TMTC2: variants seen among roughly 807,000 people sequenced by gnomAD.
TMTC2 encodes the protein protein O-mannosyl-transferase TMTC2.
In TMTC2, 43 loss-of-function variants were observed where a neutral mutation model predicts 82.4. The observed-to-expected ratio is 0.52, with a 90% confidence interval of 0.41 to 0.67. TMTC2 has a LOEUF of 0.67. Among genes scored for constraint, TMTC2 ranks in the 30% least tolerant of loss-of-function variants. TMTC2 has a pLI of 0.00. For synonymous variants in TMTC2, 408 were observed against 381.9 expected, an observed-to-expected ratio of 1.07 and a Z score of -0.80; for missense variants, 919 against 1,012.4, an observed-to-expected ratio of 0.91 and a Z score of 1.25.
At chr12:83,016,692 A>G (rs981630420) in intron 8 of TMTC2, among the ~76,000 whole-genome samples, 6 of 152,222 alleles carry the variant, frequency 3.9e-5, no homozygotes, top group African/African-American at 9.6e-5. Context: ...GTTAAATAAC[A>G]TAATGATTCC....
intron 1 of TMTC2, among the ~76,000 whole-genome samples, chr12:82,845,296 C>T (rs563086863): frequency 8.4e-6 from 1 of 119,494 alleles, no homozygotes; most frequent in South Asian, 2.7e-4. Flanking sequence ...CACATTGCAA[C>T]ATACCACAAA....
intron 7 of TMTC2, among the ~76,000 whole-genome samples, chr12:82,981,996 T>C (rs1878938498): frequency 2.0e-5 from 3 of 151,796 alleles, no homozygotes; most frequent in Admixed American, 2.0e-4. Flanking sequence ...GAATCCTGAA[T>C]TTGACATTTG....
At chr12:82,951,548 T>C (rs751975204) in intron 4 of TMTC2, among the ~76,000 whole-genome samples, 4 of 152,192 alleles carry the variant, frequency 2.6e-5, no homozygotes, top group Non-Finnish European at 5.9e-5. Context: ...CTCGAACTCC[T>C]GAGCTCAGGC....
intron 2 of TMTC2, among the ~76,000 whole-genome samples, chr12:82,872,482 T>C (rs1872252061): frequency 1.3e-5 from 2 of 152,340 alleles, no homozygotes; most frequent in African/African-American, 4.8e-5. Flanking sequence ...TTCATATTGC[T>C]GCATCATTGC....
At chr12:83,111,796 T>C (rs1336252076) in intron 11 of TMTC2, among the ~76,000 whole-genome samples, 1 of 151,702 alleles carries the variant, frequency 6.6e-6, no homozygotes, top group African/African-American at 2.4e-5. Context: ...AAAGGAAAAA[T>C]TAAGAATATT....
chr12:83,041,418 A>T (rs540010719), intron 9 of TMTC2, among the ~76,000 whole-genome samples: 1 of 152,284 alleles, frequency 6.6e-6, no homozygotes, highest in East Asian at 1.9e-4. Flanking sequence ...AGTTGTAAGG[A>T]TTTATTTACG....
intron 3 of TMTC2, among the ~76,000 whole-genome samples, chr12:82,917,791 A>G (rs1875094063): frequency 6.6e-6 from 1 of 152,066 alleles, no homozygotes; most frequent in Non-Finnish European, 1.5e-5. Flanking sequence ...TTTAGTAGAG[A>G]CAGGGTTTCA....
chr12:82,735,564 C>T (rs1212693643), intron 1 of TMTC2, among the ~76,000 whole-genome samples: 1 of 151,876 alleles, frequency 6.6e-6, no homozygotes, highest in African/African-American at 2.4e-5. Flanking sequence ...CCAGGATGGT[C>T]TCGATCTCCT....
intron 1 of TMTC2, among the ~76,000 whole-genome samples, chr12:82,829,208 G>A (rs1228368367): frequency 2.0e-5 from 3 of 152,110 alleles, no homozygotes; most frequent in African/African-American, 7.2e-5. Flanking sequence ...GATTTACAAA[G>A]CTTTTCAGAG....
At chr12:82,923,612 A>G (rs990762899) in intron 3 of TMTC2, among the ~76,000 whole-genome samples, 8 of 151,940 alleles carry the variant, frequency 5.3e-5, no homozygotes, top group Non-Finnish European at 8.8e-5. Flanking sequence ...TTACTTTTTC[A>G]CATTTAACTT....
chr12:82,798,648 T>C (rs1466541680), intron 1 of TMTC2, among the ~76,000 whole-genome samples: 4 of 149,036 alleles, frequency 2.7e-5, no homozygotes, highest in African/African-American at 9.9e-5. Flanking sequence ...CTCTACTAAA[T>C]ATAGAAAAAT....
At chr12:83,023,757 C>G (rs1363147268) in intron 8 of TMTC2, among the ~76,000 whole-genome samples, 1 of 152,226 alleles carries the variant, frequency 6.6e-6, no homozygotes, top group Non-Finnish European at 1.5e-5. Context: ...CAGTGTGAAG[C>G]ACTCACTTTG....
At chr12:82,730,821 T>G (rs1414855497) in intron 1 of TMTC2, among the ~76,000 whole-genome samples, 1 of 152,204 alleles carries the variant, frequency 6.6e-6, no homozygotes, top group African/African-American at 2.4e-5. Flanking sequence ...CAAGGTAGGA[T>G]CTACTTAGAA....
chr12:82,978,536 T>C (rs1015702843), intron 7 of TMTC2, among the ~76,000 whole-genome samples: 33 of 151,830 alleles, frequency 2.2e-4, no homozygotes, highest in Non-Finnish European at 1.2e-4. Flanking sequence ...TTTTATTCCA[T>C]TGTGATCAGA....
At chr12:82,811,123 G>A (rs1349070872) in intron 1 of TMTC2, among the ~76,000 whole-genome samples, 2 of 152,230 alleles carry the variant, frequency 1.3e-5, no homozygotes, top group East Asian at 1.9e-4. Context: ...CTACTTGGGA[G>A]GCTGAGGCAG....
At chr12:82,997,915 A>C (rs1592683127) in intron 8 of TMTC2, among the ~76,000 whole-genome samples, 1 of 152,154 alleles carries the variant, frequency 6.6e-6, no homozygotes, top group African/African-American at 2.4e-5. Flanking sequence ...CTTATTCATC[A>C]TATGAAACAG....
At chr12:82,912,133 A>G (rs1874704596) in intron 3 of TMTC2, among the ~76,000 whole-genome samples, 2 of 152,250 alleles carry the variant, frequency 1.3e-5, no homozygotes, top group Admixed American at 1.3e-4. Flanking sequence ...CAGCATTAAT[A>G]TCTTTTTTGG....
chr12:83,018,713 G>T (rs915429157), intron 8 of TMTC2, among the ~76,000 whole-genome samples: 1 of 151,080 alleles, frequency 6.6e-6, no homozygotes, highest in Non-Finnish European at 1.5e-5. Context: ...TATGGCAATG[G>T]CATGAAGCTC....
intron 11 of TMTC2, among the ~76,000 whole-genome samples, chr12:83,076,957 T>G (rs1186310042): frequency 1.3e-5 from 2 of 152,208 alleles, no homozygotes; most frequent in Non-Finnish European, 2.9e-5. Flanking sequence ...GATAGATTAA[T>G]TTCTATTGAA....
Sources: gnomAD v4.1 joint callset for allele counts (sites outside exome capture counted in the v4.1 genomes callset) on GRCh38, gnomAD v4.1.1 for gene constraint, MANE v1.5 for transcripts, NCBI Gene and HGNC (gene_info 2026-07-23, HGNC 2026-07-21) for gene names.